TENM4: variants seen among roughly 807,000 people sequenced by gnomAD.
TENM4 encodes teneurin transmembrane protein 4.
Under a neutral mutation model 243.3 loss-of-function variants are expected in TENM4, and 82 were observed. The ratio of observed to expected loss-of-function variants is 0.34; its 90% CI spans 0.28 to 0.40. TENM4 has a LOEUF of 0.40. Among genes scored for constraint, TENM4 ranks in the 10% least tolerant of loss-of-function variants. The pLI, the probability that TENM4 is intolerant of heterozygous loss-of-function variation, is 1.00. For missense variants in TENM4, 3,138 were observed against 3,673.3 expected, an observed-to-expected ratio of 0.85 and a Z score of 3.77; for synonymous variants, 1,412 against 1,456.3, an observed-to-expected ratio of 0.97 and a Z score of 0.69.
At chr11:78,886,724 T>C (rs566370863) in intron 9 of TENM4, among the ~76,000 whole-genome samples, 1 of 152,202 alleles carries the variant, frequency 6.6e-6, no homozygotes, top group Non-Finnish European at 1.5e-5. Context: ...ACAAAGGGAA[T>C]GCCCAGGCTT....
chr11:79,156,317 T>G (rs753024547), intron 3 of TENM4, among the ~76,000 whole-genome samples: 56 of 152,330 alleles, frequency 3.7e-4, no homozygotes, highest in Non-Finnish European at 4.9e-4. Flanking sequence ...AAGAGTGATG[T>G]GCGAGGTGCT....
At chr11:78,849,882 T>TA (rs1215413633) in intron 12 of TENM4, among the ~76,000 whole-genome samples, 1 of 152,222 alleles carries the variant, frequency 6.6e-6, no homozygotes, top group Non-Finnish European at 1.5e-5. Context: ...ATAGTTCAGC[T>TA]AGTGATATAC....
intron 1 of TENM4, among the ~76,000 whole-genome samples, chr11:79,432,978 C>G (rs1859199701): frequency 6.6e-6 from 1 of 152,174 alleles, no homozygotes; most frequent in Non-Finnish European, 1.5e-5. Flanking sequence ...GCCTCATTTT[C>G]CATCTCCTAT....
intron 1 of TENM4, among the ~76,000 whole-genome samples, chr11:79,385,765 G>T (rs117540452): frequency 1.8e-3 from 268 of 152,214 alleles, no homozygotes; most frequent in Non-Finnish European, 3.2e-3. Flanking sequence ...GCTTTTCAAA[G>T]GTCCTGGTTC....
intron 1 of TENM4, among the ~76,000 whole-genome samples, chr11:79,362,692 C>T (rs917162495): frequency 6.6e-6 from 1 of 152,330 alleles, no homozygotes; most frequent in Non-Finnish European, 1.5e-5. Context: ...GACCTAGGTT[C>T]AAGTCCTATT....
intron 1 of TENM4, among the ~76,000 whole-genome samples, chr11:79,336,333 C>T (rs1044535232): frequency 6.6e-6 from 1 of 152,064 alleles, no homozygotes; most frequent in African/African-American, 2.4e-5. Context: ...AGCTTCTGAT[C>T]GGTTAAATGG....
Position 79,153,466 on chromosome 11 carries a change from CCAG to C in TENM4, c.-162-4663_-162-4661del, listed in dbSNP as rs201179476. 8.1e-3 allele frequency among the ~76,000 whole-genome samples: 1,237 copies of C among 152,132 alleles called. 11 individuals carry two copies. Among genetic ancestry groups the C allele is most frequent in the African/African-American group, 0.028 (1,169 of 41,508 alleles). On this transcript the variant is annotated intron_variant, in intron 3 of 33. Transcript: ENST00000278550. Reference sequence around the variant, plus strand: ...CGGTGTCTGGGCAGAGGCAAGTCACCCAGCAGAACAATCAGAGCTAGGAAAGAT... The same window carrying C: ...CGGTGTCTGGGCAGAGGCAAGTCACCCAGAACAATCAGAGCTAGGAAAGAT...
intron 1 of TENM4, among the ~76,000 whole-genome samples, chr11:79,367,438 G>A (rs1857698099): frequency 6.6e-6 from 1 of 151,982 alleles, no homozygotes; most frequent in African/African-American, 2.4e-5. Flanking sequence ...CCCTCTCCAG[G>A]AGAGTCTATG....
At chr11:78,945,576 C>T (rs1452116492) in intron 6 of TENM4, among the ~76,000 whole-genome samples, 12 of 152,158 alleles carry the variant, frequency 7.9e-5, no homozygotes, top group Non-Finnish European at 1.5e-5. Flanking sequence ...CACTTTAAAT[C>T]TAAAGCTAGA....
intron 6 of TENM4, among the ~76,000 whole-genome samples, chr11:78,962,785 C>T (rs1390369578): frequency 6.6e-6 from 1 of 152,230 alleles, no homozygotes; most frequent in Non-Finnish European, 1.5e-5. Context: ...TCTGTGATGT[C>T]ACCGAACTGA....
intron 17 of TENM4, among the ~76,000 whole-genome samples, chr11:78,774,664 TG>T (rs1263705619): frequency 6.6e-6 from 1 of 152,122 alleles, no homozygotes; most frequent in Non-Finnish European, 1.5e-5. Flanking sequence ...TGGCCTAATA[TG>T]GGGGGAGTTG....
intron 4 of TENM4, among the ~76,000 whole-genome samples, chr11:79,072,541 T>C (rs915354219): frequency 1.3e-5 from 2 of 152,126 alleles, no homozygotes; most frequent in East Asian, 1.9e-4. Context: ...CACATTGATG[T>C]ATGCGAATGT....
chr11:78,700,496 A>C (rs188416911), intron 28 of TENM4, among the ~76,000 whole-genome samples: 3 of 152,276 alleles, frequency 2.0e-5, no homozygotes, highest in Non-Finnish European at 2.9e-5. Context: ...TGCTTATCTA[A>C]TGGTGACATA....
chr11:79,076,240 T>C (rs7945979), intron 4 of TENM4: 140,920 of 152,308 alleles, frequency 0.93, 65,474 homozygotes, highest in Middle Eastern at 0.98. Context: ...AGGACAGGGC[T>C]GAGACCTGAA....
intron 3 of TENM4, among the ~76,000 whole-genome samples, chr11:79,163,770 C>T (rs1591325261): frequency 8.4e-6 from 1 of 119,378 alleles, no homozygotes; most frequent in South Asian, 2.8e-4. Context: ...TATATATATA[C>T]ACACACATAC....
At chr11:78,710,861 G>A (rs1040310622) in intron 26 of TENM4, among the ~76,000 whole-genome samples, 3 of 152,200 alleles carry the variant, frequency 2.0e-5, no homozygotes, top group African/African-American at 4.8e-5. Context: ...CCACGAGGGC[G>A]GGGAAGAGAA....
At chr11:78,813,568 T>C (rs2136104795) in intron 13 of TENM4, among the ~76,000 whole-genome samples, 1 of 152,066 alleles carries the variant, frequency 6.6e-6, no homozygotes, top group Non-Finnish European at 1.5e-5. Flanking sequence ...GGGAAAAAGG[T>C]AAAAAAACAA....
intron 4 of TENM4, among the ~76,000 whole-genome samples, chr11:79,107,218 C>A (rs1861393752): frequency 6.6e-6 from 1 of 152,148 alleles, no homozygotes. Flanking sequence ...TGGCATGCTG[C>A]TTCTCACAAG....
At chr11:79,414,151 CAT>C (rs1858762281) in intron 1 of TENM4, among the ~76,000 whole-genome samples, 1 of 94,940 alleles carries the variant, frequency 1.1e-5, no homozygotes, top group African/African-American at 4.2e-5. Context: ...CATATACACA[CAT>C]GTGTACACAC....
Sources: gnomAD v4.1 joint callset for allele counts (sites outside exome capture counted in the v4.1 genomes callset) on GRCh38, gnomAD v4.1.1 for gene constraint, MANE v1.5 for transcripts, NCBI Gene and HGNC (gene_info 2026-07-23, HGNC 2026-07-21) for gene names.